The following RHOQ variants were observed in gnomAD, a reference collection of about 807,000 sequenced individuals.
RHOQ encodes the protein ras homolog family member Q.
In RHOQ, 7 loss-of-function variants were observed where a neutral mutation model predicts 25.8. The observed-to-expected ratio is 0.27, with a 90% confidence interval of 0.15 to 0.51. The LOEUF (loss-of-function observed/expected upper bound fraction) is 0.51. RHOQ is among the 20% of genes least tolerant of loss of function. The pLI, the probability that RHOQ is intolerant of heterozygous loss-of-function variation, is 0.97. For synonymous variants in RHOQ, 97 were observed against 98.6 expected, an observed-to-expected ratio of 0.98 and a Z score of 0.10; for missense variants, 165 against 260.6, an observed-to-expected ratio of 0.63 and a Z score of 2.53.
intron 2 of RHOQ, among the ~76,000 whole-genome samples, 200 bp downstream of exon 2, chr2:46,544,012 C>A (rs1043933069): frequency 8.5e-5 from 13 of 152,200 alleles, no homozygotes; most frequent in Admixed American, 4.6e-4. Flanking sequence ...AAGCCCCCCC[C>A]ATGTGAACCC....
chr2:46,543,376 C>G, intron 1 of RHOQ, 188 bp downstream of exon 1: 2 of 628,274 alleles, frequency 3.2e-6, no homozygotes, highest in Non-Finnish European at 5.5e-6. Context: ...CTGATCCACC[C>G]CCTCTCCCAC....
intron 2 of RHOQ, among the ~76,000 whole-genome samples, chr2:46,571,389 T>C (rs575287993): frequency 7.2e-5 from 11 of 152,340 alleles, no homozygotes; most frequent in African/African-American, 2.4e-4. Flanking sequence ...GCTGGAGTGG[T>C]GTCCAGGCAC....
chr2:46,561,080 G>A (rs575257726), intron 2 of RHOQ, among the ~76,000 whole-genome samples: 2 of 147,774 alleles, frequency 1.4e-5, no homozygotes, highest in Non-Finnish European at 3.0e-5. Context: ...TAATATATTA[G>A]TATATATATG....
Position 46,548,442 on chromosome 2 carries a change from A to G in RHOQ, c.201+4630A>G, listed in dbSNP as rs142095212. 4.1e-3 allele frequency among the ~76,000 whole-genome samples: 622 copies of G among 152,314 alleles called. 3 individuals are homozygous for G. Among genetic ancestry groups the G allele is most frequent in the African/African-American group, 0.014 (592 of 41,564 alleles). ...CACCAGGCTCCTCCCACCTCCAGGC[A>G]AGTCATCCTCACAACACCCTTCAAG... On this transcript the variant is annotated intron_variant, in intron 2 of 4. Transcript: ENST00000238738. The surrounding 1 kb of genome is among the most constrained non-coding windows in gnomAD (Gnocchi z 5.2).
chr2:46,578,523 G>A (rs1024657122), intron 4 of RHOQ, among the ~76,000 whole-genome samples: 7 of 127,704 alleles, frequency 5.5e-5, no homozygotes, highest in Non-Finnish European at 1.1e-4. Context: ...TTTGAGCCCA[G>A]GAATTCGAGA....
intron 4 of RHOQ, among the ~76,000 whole-genome samples, chr2:46,578,159 G>C (rs1669202274): frequency 2.6e-5 from 4 of 152,072 alleles, no homozygotes; most frequent in Admixed American, 2.0e-4. Flanking sequence ...CTTATTAGTA[G>C]TCAAATGTAA....
chr2:46,546,479 T>TAC (rs1167080497), intron 2 of RHOQ, among the ~76,000 whole-genome samples: 2 of 20,108 alleles, frequency 9.9e-5, no homozygotes, highest in Non-Finnish European at 2.2e-4. Context: ...TATATGTGTA[T>TAC]ATATATATAT....
At chr2:46,567,918 T>A (rs1296255718) in intron 2 of RHOQ, among the ~76,000 whole-genome samples, 1 of 151,734 alleles carries the variant, frequency 6.6e-6, no homozygotes, top group African/African-American at 2.4e-5. Context: ...AATAAAAAAA[T>A]TTCTGACTAG....
At chr2:46,558,489 C>G (rs1489999706) in intron 2 of RHOQ, among the ~76,000 whole-genome samples, 3 of 152,168 alleles carry the variant, frequency 2.0e-5, no homozygotes, top group Non-Finnish European at 2.9e-5. Context: ...CTTTCAGCTT[C>G]TATTTAAGTT....
chr2:46,548,951 G>A lies in RHOQ; in HGVS notation c.201+5139G>A, dbSNP rs991703509. ...GTGTTCCCCTCCTTGGGACTCTGATGTGGGTTTGGGTTATGCCAGCTTAGA... is the reference window on the plus strand; with the variant it reads ...GTGTTCCCCTCCTTGGGACTCTGATATGGGTTTGGGTTATGCCAGCTTAGA... On this transcript the variant is annotated intron_variant, in intron 2 of 4. Transcript: ENST00000238738. This position sits in a 1 kb window ranked among gnomAD's most constrained non-coding sequence, Gnocchi z 5.2. 6.6e-6 allele frequency among the ~76,000 whole-genome samples: 1 copy of A among 152,160 alleles called. No homozygotes were observed. The highest frequency in any genetic ancestry group is 2.4e-5 in the African/African-American group (1 of 41,432).
intron 2 of RHOQ, among the ~76,000 whole-genome samples, chr2:46,547,905 C>G (rs540939566): frequency 5.3e-4 from 80 of 152,314 alleles, no homozygotes; most frequent in African/African-American, 1.8e-3. Flanking sequence ...TGCTCTCTAG[C>G]TGTGGGCTCT....
intron 4 of RHOQ, among the ~76,000 whole-genome samples, chr2:46,577,901 T>C (rs937719019): frequency 6.6e-6 from 1 of 152,082 alleles, no homozygotes; most frequent in Admixed American, 6.5e-5. Context: ...ATAAAAGCCA[T>C]AAATGAAAAT....
At chr2:46,562,159 A>G (rs1238866596) in intron 2 of RHOQ, among the ~76,000 whole-genome samples, 2 of 152,116 alleles carry the variant, frequency 1.3e-5, no homozygotes, top group Admixed American at 6.5e-5. Flanking sequence ...CAATTTCACC[A>G]GACTGTAGGG....
chr2:46,550,081 A>G (rs1053267643), intron 2 of RHOQ, among the ~76,000 whole-genome samples: 2 of 152,020 alleles, frequency 1.3e-5, no homozygotes, highest in Non-Finnish European at 2.9e-5. Context: ...TTTTTTTTTA[A>G]TTAGCCAGAT....
At chr2:46,575,059 T>A (rs1177427888) in intron 2 of RHOQ, among the ~76,000 whole-genome samples, 4 of 152,170 alleles carry the variant, frequency 2.6e-5, no homozygotes, top group Non-Finnish European at 5.9e-5. Flanking sequence ...CATAAAATAG[T>A]CTATGCAAAA....
At chr2:46,580,768 CT>C in intron 4 of RHOQ, 159 bp from the exon 5 acceptor site, 1 of 479,482 alleles carries the variant, frequency 2.1e-6, no homozygotes, top group Non-Finnish European at 3.7e-6. Context: ...AGGACATATA[CT>C]AGTATTTTAA....
chr2:46,546,512 G>GTATA (rs1277018572), intron 2 of RHOQ, among the ~76,000 whole-genome samples: 2 of 18,756 alleles, frequency 1.1e-4, no homozygotes, highest in South Asian at 4.3e-3. Flanking sequence ...ATATATATAT[G>GTATA]TATATACATA....
At chr2:46,572,653 C>G (rs138194585) in intron 2 of RHOQ, 5 of 394,652 alleles carry the variant, frequency 1.3e-5, no homozygotes, top group East Asian at 7.3e-5. Context: ...TGAGAATGTT[C>G]TAGTTACCAT....
Position 46,552,583 on chromosome 2 carries a change from G to A in RHOQ, c.201+8771G>A, listed in dbSNP as rs1187541220. Reference sequence around the variant, plus strand: ...CGCAAAACTTCCTCTGCCACCTGCTGCTCATATTGTTTGCCCTCTTGGGCC... The same window carrying A: ...CGCAAAACTTCCTCTGCCACCTGCTACTCATATTGTTTGCCCTCTTGGGCC... On this transcript the variant is annotated intron_variant, in intron 2 of 4. Transcript: ENST00000238738. The surrounding 1 kb of genome is among the most constrained non-coding windows in gnomAD (Gnocchi z 5.0). Among the ~76,000 whole-genome samples the A allele has an allele frequency of 3.3e-5, 5 of 152,340 alleles. No homozygotes were observed. The East Asian group carries it at 9.6e-4, about 29-fold the overall frequency.
Sources: allele counts gnomAD v4.1 joint callset (sites outside exome capture counted in the v4.1 genomes callset), GRCh38; gene constraint gnomAD v4.1.1; non-coding constraint Gnocchi (gnomAD v3.1); transcripts MANE v1.5; gene names NCBI Gene and HGNC (gene_info 2026-07-23, HGNC 2026-07-21).